KCNT1: variants seen among roughly 807,000 people sequenced by gnomAD.
KCNT1 encodes the protein potassium channel subfamily T member 1.
KCNT1 carries 78 observed loss-of-function variants against 147.8 expected under a neutral mutation model. The ratio of observed to expected loss-of-function variants is 0.53; its 90% confidence interval spans 0.44 to 0.64. The LOEUF is 0.64. Among genes scored for constraint, KCNT1 ranks in the 30% least tolerant of loss-of-function variants. The pLI, the probability that KCNT1 is intolerant of heterozygous loss-of-function variation, is 0.00. For missense variants in KCNT1, 1,419 were observed against 1,750.3 expected (o/e 0.81, Z 3.38); for synonymous variants, 867 against 748.8 (o/e 1.16, Z -2.58).
At chr9:135,758,342 C>G in intron 9 of KCNT1, 72 bp from the exon 10 acceptor site, 1 of 1,165,346 alleles carries the variant, frequency 8.6e-7, no homozygotes, top group Non-Finnish European at 1.3e-6. Flanking sequence ...CACTGTCCTT[C>G]TAGTCTCTAT....
intron 10 of KCNT1, among the ~76,000 whole-genome samples, chr9:135,759,199 AG>A (rs1831728786): frequency 1.3e-5 from 2 of 152,176 alleles, no homozygotes; most frequent in South Asian, 4.1e-4. Flanking sequence ...TCCCAGCCTC[AG>A]GCCTGGGCGC....
chr9:135,764,671 A>G (rs1832133722), intron 11 of KCNT1, among the ~76,000 whole-genome samples: 1 of 152,090 alleles, frequency 6.6e-6, no homozygotes, highest in South Asian at 2.1e-4. Context: ...GAGGCCTGCG[A>G]GTGCCTGGAA....
intron 2 of KCNT1, among the ~76,000 whole-genome samples, chr9:135,731,985 TATATATAGAGAGAGAGAGAG>T (rs1443648806): frequency 4.7e-4 from 11 of 23,272 alleles, no homozygotes; most frequent in African/African-American, 1.8e-3. Context: ...TATATATATA[TATATATAGAGAGAGAGAGAG>T]AGAGAGAGAG....
intron 29 of KCNT1, 169 bp from the exon 30 acceptor site, chr9:135,791,628 G>A (rs552332107): frequency 3.2e-6 from 2 of 626,798 alleles, no homozygotes; most frequent in African/African-American, 1.8e-5. Context: ...ACAGGTGTCG[G>A]TCAGGGATGG....
At chr9:135,732,040 A>AGAGAGAGAGAGAGT (rs1836504744) in intron 2 of KCNT1, among the ~76,000 whole-genome samples, 1 of 135,394 alleles carries the variant, frequency 7.4e-6, no homozygotes, top group Non-Finnish European at 1.6e-5. Context: ...AGAGAGAGAG[A>AGAGAGAGAGAGAGT]GGGAGTCTCA....
At chr9:135,750,437 C>T in intron 3 of KCNT1, 1 of 546,500 alleles carries the variant, frequency 1.8e-6, no homozygotes, top group Non-Finnish European at 3.3e-6. Flanking sequence ...CACCGTCCTG[C>T]CTGCTGGACA....
intron 1 of KCNT1, among the ~76,000 whole-genome samples, chr9:135,707,443 G>A (rs1303148807): frequency 6.6e-6 from 1 of 152,192 alleles, no homozygotes; most frequent in Non-Finnish European, 1.5e-5. Context: ...CGAGGGTACT[G>A]ACAGCTGACG....
At position 135,791,170 on chromosome 9, in the gene KCNT1, T is replaced by C. The variant is rs114152355; in HGVS notation, c.3503-627T>C. ...GAGCACAGCGAGTGGGAATGGCCTG[T>C]CCAGGCCCGGGGACAGCGGCAGCTG... On this transcript the variant is annotated intron_variant, in intron 29 of 30. Transcript: ENST00000371757. 5.7e-3 allele frequency: 878 copies of C among 153,184 alleles called. 6 individuals are homozygous for C. Among genetic ancestry groups the C allele is most frequent in the African/African-American group, 0.02 (828 of 41,364 alleles). 9.5% of individuals were successfully genotyped at this position (153,184 alleles called of 1,614,324 possible). A position where few individuals can be genotyped will look rare whatever the true frequency, so the allele number is the denominator to read the frequency against.
chr9:135,728,389 C>T (rs937518893), intron 2 of KCNT1, among the ~76,000 whole-genome samples: 7 of 152,228 alleles, frequency 4.6e-5, no homozygotes, highest in African/African-American at 1.2e-4. Context: ...CTATGTGGGG[C>T]AGAAAAGAGC....
At chr9:135,760,026 G>T (rs922294222) in intron 11 of KCNT1, among the ~76,000 whole-genome samples, 167 bp downstream of exon 11, 1 of 152,182 alleles carries the variant, frequency 6.6e-6, no homozygotes, top group African/African-American at 2.4e-5. Context: ...CCCACTGAGG[G>T]TCTACGGCGG....
chr9:135,711,792 C>T (rs932210370), intron 1 of KCNT1, among the ~76,000 whole-genome samples: 30 of 152,316 alleles, frequency 2.0e-4, no homozygotes, highest in African/African-American at 7.2e-4. Context: ...CGCTGGGCGC[C>T]GGCCACCCTG....
At chr9:135,780,625 G>C (rs1833543047) in intron 24 of KCNT1, among the ~76,000 whole-genome samples, 1 of 152,212 alleles carries the variant, frequency 6.6e-6, no homozygotes, top group South Asian at 2.1e-4. Context: ...GGGATGCTCG[G>C]GCACCTGGTC....
intron 1 of KCNT1, among the ~76,000 whole-genome samples, chr9:135,704,112 C>T (rs749515964): frequency 1.3e-5 from 2 of 152,234 alleles, no homozygotes; most frequent in African/African-American, 2.4e-5. Flanking sequence ...CTTCGTGCTG[C>T]CTGGTGGTGG....
At chr9:135,732,040 AGG>A (rs1564328425) in intron 2 of KCNT1, among the ~76,000 whole-genome samples, 18 of 135,394 alleles carry the variant, frequency 1.3e-4, no homozygotes, top group Admixed American at 3.0e-4. Flanking sequence ...AGAGAGAGAG[AGG>A]GAGTCTCACT....
chr9:135,774,228 TTGTGTGTGGTGTGTGTCCGTGTGTGG>T lies in KCNT1; in HGVS notation c.2244-1069_2244-1044del, dbSNP rs1403484511. The stretch of plus-strand genomic sequence containing the variant: ...GTGTGTGGTATGTGGTGTCTGTGTG[TTGTGTGTGGTGTGTGTCCGTGTGTGG>T]TGTGTGTGGTGTCTGTTGTGTGTGT... On this transcript the variant is annotated intron_variant, in intron 19 of 30. Coordinates refer to ENST00000371757, the MANE Select transcript of KCNT1 (RefSeq NM_020822.3). 1.0e-4 allele frequency among the ~76,000 whole-genome samples: 15 copies of T among 148,730 alleles called. No homozygotes were observed. The East Asian group carries it at 2.4e-3, about 24-fold the overall frequency.
At chr9:135,788,051 T>TTC (rs200386590) in intron 29 of KCNT1, 56 of 1,344,578 alleles carry the variant, frequency 4.2e-5, no homozygotes, top group East Asian at 3.0e-4. Flanking sequence ...CTTGCTGATA[T>TTC]TCTCTCTCTC....
At chr9:135,765,781 G>T (rs1832225506) in intron 13 of KCNT1, 21 bp downstream of exon 13, 8 of 1,572,858 alleles carry the variant, frequency 5.1e-6, no homozygotes, top group South Asian at 1.1e-5. Context: ...GTGGGCGGAG[G>T]GGGTGGCATG....
intron 11 of KCNT1, among the ~76,000 whole-genome samples, chr9:135,761,599 G>A (rs2131459393): frequency 6.6e-6 from 1 of 152,334 alleles, no homozygotes; most frequent in East Asian, 1.9e-4. Context: ...TGCTTTCAGG[G>A]CCATCCTTGA....
At chr9:135,750,245 C>T (rs888099211) in intron 3 of KCNT1, 68 bp downstream of exon 3, 55 of 1,261,266 alleles carry the variant, frequency 4.4e-5, no homozygotes, top group African/African-American at 1.5e-4. Flanking sequence ...GCAAGCCTGG[C>T]GATGGCGAAG....
Sources: allele counts gnomAD v4.1 joint callset (sites outside exome capture counted in the v4.1 genomes callset), GRCh38; gene constraint gnomAD v4.1.1; transcripts MANE v1.5; gene names NCBI Gene and HGNC (gene_info 2026-07-23, HGNC 2026-07-21).